Variants in SUPT3H observed in about 807,000 individuals in gnomAD.
SUPT3H encodes transcription initiation protein SPT3 homolog.
A neutral mutation model predicts 44.3 loss-of-function variants in SUPT3H; 44 were observed. The ratio of observed to expected loss-of-function variants is 0.99; its 90% confidence interval spans 0.78 to 1.28. The LOEUF is 1.28. SUPT3H is among the 50% of genes most tolerant of loss of function. The pLI, the probability that SUPT3H is intolerant of heterozygous loss-of-function variation, is 0.00. For synonymous variants in SUPT3H, 124 were observed against 125.6 expected, an observed-to-expected ratio of 0.99 and a Z score of 0.09; for missense variants, 380 against 387.1, an observed-to-expected ratio of 0.98 and a Z score of 0.15.
intron 2 of SUPT3H, among the ~76,000 whole-genome samples, chr6:45,178,137 G>A (rs922814879): frequency 2.0e-5 from 3 of 152,100 alleles, no homozygotes; most frequent in Admixed American, 1.3e-4. Flanking sequence ...ATTGGATAAA[G>A]AGTCAAGACC....
chr6:45,224,588 G>A (rs955908358), intron 2 of SUPT3H, among the ~76,000 whole-genome samples: 2 of 151,952 alleles, frequency 1.3e-5, no homozygotes, highest in African/African-American at 4.8e-5. Flanking sequence ...GACCAGCCTG[G>A]CCAAGATGGT....
intron 2 of SUPT3H, among the ~76,000 whole-genome samples, chr6:45,303,596 T>C (rs1413552470): frequency 6.6e-6 from 1 of 151,846 alleles, no homozygotes; most frequent in African/African-American, 2.4e-5. Context: ...TTCAGCCATT[T>C]TTGGCCTATA....
intron 10 of SUPT3H, among the ~76,000 whole-genome samples, chr6:44,839,733 T>G (rs1213175092): frequency 1.3e-4 from 20 of 150,866 alleles, no homozygotes; most frequent in South Asian, 2.1e-4. Flanking sequence ...ACGGAGTCTC[T>G]CTCTGTCGCC....
intron 2 of SUPT3H, among the ~76,000 whole-genome samples, chr6:45,331,653 T>A (rs1419807388): frequency 6.6e-6 from 1 of 151,978 alleles, no homozygotes; most frequent in Non-Finnish European, 1.5e-5. Context: ...AGATTTTTAG[T>A]TTTTATTTTT....
intron 11 of SUPT3H, among the ~76,000 whole-genome samples, chr6:44,821,390 G>A (rs1342366708): frequency 6.6e-6 from 1 of 152,128 alleles, no homozygotes; most frequent in Non-Finnish European, 1.5e-5. Context: ...CATTTCAACT[G>A]AGCAAGAAAA....
rs76595706 is a variant in SUPT3H, at chr6:45,366,244, G to T, written c.1-943C>A. 7.5e-3 allele frequency among the ~76,000 whole-genome samples: 1,140 copies of T among 152,288 alleles called. 20 individuals carry two copies. Among genetic ancestry groups the T allele is most frequent in the African/African-American group, 0.026 (1,082 of 41,558 alleles). ...TATGATAAAGTAAAGCAGTGCAGAG[G>T]ACTTTCAGTAAACTAAGAGGGCAGG... On this transcript the variant is annotated intron_variant, in intron 1 of 10. Transcript: ENST00000371459.
At chr6:45,056,662 G>A (rs1174187644) in intron 3 of SUPT3H, among the ~76,000 whole-genome samples, 1 of 152,138 alleles carries the variant, frequency 6.6e-6, no homozygotes, top group Admixed American at 6.5e-5. Flanking sequence ...AAGACACAAA[G>A]GCATGAGAAT....
In SUPT3H at chr6:45,125,457, G is replaced by A. The variant is rs73738604; in HGVS notation, c.102-19451C>T. 3.9e-3 allele frequency among the ~76,000 whole-genome samples: 595 copies of A among 152,182 alleles called. 7 individuals carry two copies. The highest frequency in any genetic ancestry group is 0.014 in the African/African-American group (568 of 41,538). ...GCAAATGCACACTACTGTGGAATGGGGAAAATTAAGTGGTAGAAATGCATG... is the reference window on the plus strand; with the variant it reads ...GCAAATGCACACTACTGTGGAATGGAGAAAATTAAGTGGTAGAAATGCATG... On this transcript the variant is annotated intron_variant, in intron 2 of 10. Coordinates refer to ENST00000371459, the MANE Select transcript of SUPT3H (RefSeq NM_003599.4).
At chr6:45,016,309 C>A (rs1784259087) in intron 4 of SUPT3H, among the ~76,000 whole-genome samples, 1 of 151,644 alleles carries the variant, frequency 6.6e-6, no homozygotes, top group Admixed American at 6.6e-5. Context: ...TGGTACCTGA[C>A]TATAATTGTT....
At chr6:44,989,593 A>C (rs1452563677) in intron 6 of SUPT3H, among the ~76,000 whole-genome samples, 2 of 152,104 alleles carry the variant, frequency 1.3e-5, no homozygotes, top group Non-Finnish European at 2.9e-5. Context: ...GTTTTCCGTA[A>C]TGACTGTACC....
intron 2 of SUPT3H, among the ~76,000 whole-genome samples, chr6:45,309,706 T>C (rs1326342539): frequency 6.6e-6 from 1 of 151,736 alleles, no homozygotes; most frequent in Admixed American, 6.6e-5. Context: ...ATAACCAAAC[T>C]GTCAGAAATC....
intron 2 of SUPT3H, among the ~76,000 whole-genome samples, chr6:45,241,929 T>C (rs971986630): frequency 9.2e-5 from 14 of 152,174 alleles, no homozygotes; most frequent in African/African-American, 3.1e-4. Context: ...GAAAGCAAAT[T>C]GCTAGTCATG....
intron 6 of SUPT3H, among the ~76,000 whole-genome samples, chr6:44,972,918 G>A (rs548043273): frequency 3.3e-5 from 5 of 152,116 alleles, no homozygotes; most frequent in South Asian, 2.1e-4. Flanking sequence ...TTCCTCCTAC[G>A]CCTCTGGGCC....
intron 11 of SUPT3H, among the ~76,000 whole-genome samples, chr6:44,814,163 A>G (rs1481495480): frequency 1.3e-5 from 2 of 152,260 alleles, no homozygotes; most frequent in Non-Finnish European, 2.9e-5. Context: ...AGAGAAGGAA[A>G]TAAGTCTGAT....
chr6:44,891,325 C>A (rs567555347), intron 10 of SUPT3H, among the ~76,000 whole-genome samples: 1 of 152,010 alleles, frequency 6.6e-6, no homozygotes, highest in Non-Finnish European at 1.5e-5. Flanking sequence ...CCAATATTCA[C>A]GGCCACATTA....
At chr6:45,071,341 A>G (rs1203552075) in intron 3 of SUPT3H, among the ~76,000 whole-genome samples, 1 of 152,160 alleles carries the variant, frequency 6.6e-6, no homozygotes, top group Non-Finnish European at 1.5e-5. Flanking sequence ...TGCAAAAGTT[A>G]CACATGAGGA....
chr6:44,943,458 C>A (rs1385989132), intron 9 of SUPT3H, among the ~76,000 whole-genome samples: 1 of 151,992 alleles, frequency 6.6e-6, no homozygotes, highest in African/African-American at 2.4e-5. Context: ...AGAAAAAAAT[C>A]TGAAGAAATA....
chr6:45,291,226 C>T (rs1469757010), intron 2 of SUPT3H, among the ~76,000 whole-genome samples: 10 of 152,142 alleles, frequency 6.6e-5, no homozygotes, highest in Non-Finnish European at 1.2e-4. Context: ...CCCAGGAAGC[C>T]ACATCCATGG....
At chr6:45,234,196 T>G (rs1286252869) in intron 2 of SUPT3H, among the ~76,000 whole-genome samples, 2 of 152,150 alleles carry the variant, frequency 1.3e-5, no homozygotes, top group Admixed American at 1.3e-4. Flanking sequence ...ATTCAATTAT[T>G]GTCTGGAGTG....
Sources: allele counts gnomAD v4.1 joint callset (sites outside exome capture counted in the v4.1 genomes callset), GRCh38; gene constraint gnomAD v4.1.1; transcripts MANE v1.5; gene names NCBI Gene and HGNC (gene_info 2026-07-23, HGNC 2026-07-21).